The following CDH18 variants were observed in gnomAD, a reference collection of about 807,000 sequenced individuals.
The protein encoded by CDH18 is cadherin-18.
A neutral mutation model predicts 67.9 loss-of-function variants in CDH18; 31 were observed. That is an observed-to-expected ratio of 0.46 (90% CI 0.34 to 0.62). The LOEUF (loss-of-function observed/expected upper bound fraction) is 0.62. Among genes scored for constraint, CDH18 ranks in the 20% least tolerant of loss-of-function variants. The pLI, the probability that CDH18 is intolerant of heterozygous loss-of-function variation, is 0.01. For missense variants in CDH18, 890 were observed against 975.5 expected, an observed-to-expected ratio of 0.91 and a Z score of 1.17; for synonymous variants, 362 against 347.2, an observed-to-expected ratio of 1.04 and a Z score of -0.48.
chr5:20,383,974 C>T (rs1389853716), intron 1 of CDH18, among the ~76,000 whole-genome samples: 2 of 151,656 alleles, frequency 1.3e-5, no homozygotes. Context: ...AAATTCAAGT[C>T]AATAAAAATT....
intron 2 of CDH18, among the ~76,000 whole-genome samples, chr5:19,960,640 CATATACACGTGT>C (rs1561636040): frequency 1.0e-5 from 1 of 95,762 alleles, no homozygotes; most frequent in Non-Finnish European, 1.8e-5. Flanking sequence ...TATATGTATA[CATATACACGTGT>C]ATATATATAT....
At chr5:20,403,502 T>C (rs556869023) in intron 1 of CDH18, among the ~76,000 whole-genome samples, 4 of 152,216 alleles carry the variant, frequency 2.6e-5, no homozygotes, top group Admixed American at 2.6e-4. Context: ...TCAATAGACA[T>C]GAAAACAACA....
chr5:19,849,698 ACG>A (rs1229837681), intron 2 of CDH18, among the ~76,000 whole-genome samples: 5 of 26,856 alleles, frequency 1.9e-4, no homozygotes, highest in East Asian at 7.9e-4. Context: ...ATATATATAC[ACG>A]CATATATATA....
In CDH18 at chr5:19,544,108, C is replaced by G. The variant is rs1017429550; in HGVS notation, c.1254-103G>C. On this transcript the variant is annotated intron_variant, in intron 8 of 12. Coordinates refer to ENST00000382275, the MANE Select transcript of CDH18 (RefSeq NM_004934.5). ...AAATACATTAAAATATTCAAATATA[C>G]TTTTAAATTCTATATTTGATTACAT... 8.9e-5 allele frequency: 40 copies of G among 449,420 alleles called. 1 individual carries two copies. Among genetic ancestry groups the G allele is most frequent in the South Asian group, 8.4e-4 (10 of 11,914 alleles). The allele number at this position is 449,420 out of a possible 1,614,324, so 27.8% of individuals were successfully genotyped here.
At chr5:20,332,710 T>C (rs1044804705) in intron 1 of CDH18, among the ~76,000 whole-genome samples, 1 of 152,184 alleles carries the variant, frequency 6.6e-6, no homozygotes, top group Non-Finnish European at 1.5e-5. Flanking sequence ...TATTAAATAT[T>C]GAAAGAAATT....
At chr5:20,573,102 G>C (rs1382986233) in intron 1 of CDH18, among the ~76,000 whole-genome samples, 1 of 151,864 alleles carries the variant, frequency 6.6e-6, no homozygotes, top group Non-Finnish European at 1.5e-5. Flanking sequence ...AATAATATGG[G>C]AAATCAAATT....
At chr5:19,739,415 A>T (rs181389352) in intron 4 of CDH18, among the ~76,000 whole-genome samples, 140 of 152,202 alleles carry the variant, frequency 9.2e-4, no homozygotes, top group African/African-American at 2.9e-3. Context: ...CCCCAGAAAA[A>T]CCAGCTGGTA....
intron 5 of CDH18, among the ~76,000 whole-genome samples, chr5:19,693,681 C>A (rs1325292258): frequency 6.6e-6 from 1 of 152,032 alleles, no homozygotes; most frequent in African/African-American, 2.4e-5. Context: ...TGGATCACTT[C>A]TGGTCAGGAG....
chr5:20,431,460 C>T (rs1431621132), intron 1 of CDH18, among the ~76,000 whole-genome samples: 1 of 141,932 alleles, frequency 7.0e-6, no homozygotes, highest in Non-Finnish European at 1.5e-5. Flanking sequence ...TGCCACTGCA[C>T]TCCAGCCTGG....
In CDH18 at chr5:20,304,053, C is replaced by T. The variant is rs1298186251; in HGVS notation, c.-579-48548G>A. 10 of 1,594,964 alleles carry T rather than the reference C, an allele frequency of 6.3e-6. No individual in the cohort carries two copies. In the East Asian group the frequency reaches 2.0e-4, roughly 32 times the overall value. Reference sequence around the variant, plus strand: ...CAGCCGACTTCGCGTGTTCAGGCATCCTTTTTCTCCAGTAAAATTTTGTGC... The same window carrying T: ...CAGCCGACTTCGCGTGTTCAGGCATTCTTTTTCTCCAGTAAAATTTTGTGC... On this transcript the variant is annotated intron_variant, in intron 1 of 14. Coordinates refer to the CDH18 transcript ENST00000507958.
intron 10 of CDH18, among the ~76,000 whole-genome samples, chr5:19,516,032 T>C (rs1745933177): frequency 6.6e-6 from 1 of 152,280 alleles, no homozygotes; most frequent in African/African-American, 2.4e-5. Flanking sequence ...CATCAATACC[T>C]AGTTTATTGA....
chr5:20,389,024 T>C (rs998579119), intron 1 of CDH18, among the ~76,000 whole-genome samples: 8 of 152,150 alleles, frequency 5.3e-5, no homozygotes, highest in African/African-American at 1.9e-4. Context: ...AGGATGTACA[T>C]TCTGTTGACT....
chr5:19,476,986 A>C (rs1222179206), intron 12 of CDH18, among the ~76,000 whole-genome samples: 1 of 151,616 alleles, frequency 6.6e-6, no homozygotes, highest in African/African-American at 2.4e-5. Flanking sequence ...TATGATTCAA[A>C]ATATAGAGAC....
Position 19,473,684 on chromosome 5 carries a change from T to C in CDH18, c.1915A>G (p.Ser639Gly), listed in dbSNP as rs764321747. The C allele has an allele frequency of 1.2e-6, 2 of 1,612,964 alleles. No individual in the cohort carries two copies. The highest frequency in any genetic ancestry group is 1.7e-6 in the Non-Finnish European group (2 of 1,179,606). The part of the protein sequence containing the change: ...IVVLFITLRR[S>G]KKEPLIISEE... ...GAAATGATCAAGGGCTCTTTTTTGCTGCGCCTCAGGGTGATAAAAAGTACC... is the reference window on the plus strand; with the variant it reads ...GAAATGATCAAGGGCTCTTTTTTGCCGCGCCTCAGGGTGATAAAAAGTACC... Residue 639 changes from serine (S) to glycine (G), a missense_variant, in exon 13 of 13, where the codon AGC (serine) becomes GGC (glycine). Physicochemically the swap from Ser to Gly is moderately conservative, Grantham distance 56 (BLOSUM62 0). Coordinates refer to ENST00000382275, the MANE Select transcript of CDH18 (RefSeq NM_004934.5).
chr5:20,322,232 G>A (rs1476902788), intron 1 of CDH18, among the ~76,000 whole-genome samples: 1 of 152,016 alleles, frequency 6.6e-6, no homozygotes, highest in Non-Finnish European at 1.5e-5. Flanking sequence ...GATTTCAGTT[G>A]AGTCAATAAG....
At chr5:19,809,199 G>A (rs968464217) in intron 3 of CDH18, among the ~76,000 whole-genome samples, 1 of 152,110 alleles carries the variant, frequency 6.6e-6, no homozygotes, top group Non-Finnish European at 1.5e-5. Flanking sequence ...AACAGTAAGA[G>A]ATAATCCCCA....
At chr5:19,495,600 C>T (rs1029619278) in intron 11 of CDH18, among the ~76,000 whole-genome samples, 5 of 149,946 alleles carry the variant, frequency 3.3e-5, no homozygotes, top group African/African-American at 9.8e-5. Context: ...ATTAGCCGGG[C>T]GTGGTGGCAC....
chr5:20,553,223 TC>T (rs1365336539), intron 1 of CDH18, among the ~76,000 whole-genome samples: 1 of 152,182 alleles, frequency 6.6e-6, no homozygotes, highest in Non-Finnish European at 1.5e-5. Flanking sequence ...TTGAAAATAT[TC>T]CTCAAAGTTA....
chr5:20,064,141 C>T (rs1014933687), intron 2 of CDH18, among the ~76,000 whole-genome samples: 4 of 152,054 alleles, frequency 2.6e-5, no homozygotes, highest in African/African-American at 9.7e-5. Context: ...AAAACAAAAA[C>T]AATCTGCTAT....
Sources: allele counts gnomAD v4.1 joint callset (sites outside exome capture counted in the v4.1 genomes callset), GRCh38; gene constraint gnomAD v4.1.1; transcripts MANE v1.5; gene names NCBI Gene and HGNC (gene_info 2026-07-23, HGNC 2026-07-21).